The following GABPB1 variants were observed in gnomAD, a reference collection of about 807,000 sequenced individuals.
The protein encoded by GABPB1 is GA-binding protein subunit beta-1.
GABPB1 carries 15 observed loss-of-function variants against 45.9 expected under a neutral mutation model. The observed-to-expected ratio is 0.33, with a 90% CI of 0.22 to 0.50. The LOEUF (loss-of-function observed/expected upper bound fraction) is 0.50. GABPB1 is among the 20% of genes least tolerant of loss of function. GABPB1 has a pLI of 0.98. For synonymous variants in GABPB1, 143 were observed against 154.4 expected, an observed-to-expected ratio of 0.93 and a Z score of 0.55; for missense variants, 252 against 457.5, an observed-to-expected ratio of 0.55 and a Z score of 4.10.
chr15:50,345,947 G>A (rs561828760), intron 1 of GABPB1, among the ~76,000 whole-genome samples: 2 of 152,162 alleles, frequency 1.3e-5, no homozygotes, highest in South Asian at 2.1e-4. Context: ...TCCTGACCTC[G>A]TGATCCACCC....
At chr15:50,289,767 CTTTTCTT>C in intron 6 of GABPB1, 99 bp from the exon 7 acceptor site, 8 of 701,842 alleles carry the variant, frequency 1.1e-5, no homozygotes, top group East Asian at 2.6e-5. Flanking sequence ...ATGCTTCTTT[CTTTTCTT>C]TTTTCTTTTT....
intron 1 of GABPB1, among the ~76,000 whole-genome samples, chr15:50,327,853 C>T (rs1011319588): frequency 4.0e-5 from 6 of 151,702 alleles, no homozygotes; most frequent in African/African-American, 1.2e-4. Flanking sequence ...GAGCCGAGAT[C>T]GTGGCATTAT....
intron 6 of GABPB1, among the ~76,000 whole-genome samples, chr15:50,295,867 G>A (rs879364111): frequency 1.0e-4 from 9 of 86,444 alleles, no homozygotes; most frequent in Non-Finnish European, 3.2e-4. Flanking sequence ...CTGACAACCT[G>A]CTGTTATATT....
intron 1 of GABPB1, among the ~76,000 whole-genome samples, chr15:50,313,572 A>G (rs140145576): frequency 3.3e-5 from 5 of 152,250 alleles, no homozygotes; most frequent in Admixed American, 2.0e-4. Flanking sequence ...TATATTATAT[A>G]TAACTCTTCT....
At chr15:50,354,054 A>G (rs1427240354) in intron 1 of GABPB1, 1 of 125,912 alleles carries the variant, frequency 7.9e-6, no homozygotes, top group Non-Finnish European at 2.1e-5. Context: ...AAGTGGGAAG[A>G]CACACACAAA....
At chr15:50,294,804 C>T (rs1485468808) in intron 6 of GABPB1, among the ~76,000 whole-genome samples, 2 of 151,508 alleles carry the variant, frequency 1.3e-5, no homozygotes, top group Non-Finnish European at 2.9e-5. Context: ...TTTTTTTAAC[C>T]CCTGTTTTGA....
chr15:50,294,404 C>T (rs2046445236), intron 6 of GABPB1, among the ~76,000 whole-genome samples: 2 of 152,102 alleles, frequency 1.3e-5, no homozygotes, highest in Non-Finnish European at 2.9e-5. Context: ...GTCCCAGCTA[C>T]TCAGGAGGCT....
At chr15:50,309,024 GT>G (rs1277886565) in intron 2 of GABPB1, among the ~76,000 whole-genome samples, 1 of 152,008 alleles carries the variant, frequency 6.6e-6, no homozygotes, top group Non-Finnish European at 1.5e-5. Context: ...AAAAAATTTT[GT>G]TTTTTCATGA....
chr15:50,322,721 C>A (rs921029675), intron 1 of GABPB1, among the ~76,000 whole-genome samples: 2 of 152,060 alleles, frequency 1.3e-5, no homozygotes, highest in African/African-American at 4.8e-5. Flanking sequence ...ATACTGATTA[C>A]CTGTTGAAAC....
chr15:50,287,199 A>C (rs1458900070), intron 7 of GABPB1, among the ~76,000 whole-genome samples: 2 of 152,176 alleles, frequency 1.3e-5, no homozygotes, highest in Non-Finnish European at 2.9e-5. Flanking sequence ...TTTTTAATTC[A>C]GGAAGGCTTT....
chr15:50,345,232 T>C (rs1214042664), intron 1 of GABPB1, among the ~76,000 whole-genome samples: 1 of 152,154 alleles, frequency 6.6e-6, no homozygotes, highest in East Asian at 1.9e-4. Flanking sequence ...GTAACACATA[T>C]ATACTAGCTG....
intron 1 of GABPB1, among the ~76,000 whole-genome samples, chr15:50,342,711 T>C (rs2048420450): frequency 6.6e-6 from 1 of 152,224 alleles, no homozygotes; most frequent in Admixed American, 6.5e-5. Flanking sequence ...TCAAATGTAG[T>C]TATCACACAT....
chr15:50,345,805 G>A (rs948241674), intron 1 of GABPB1, among the ~76,000 whole-genome samples: 4 of 151,702 alleles, frequency 2.6e-5, no homozygotes, highest in Non-Finnish European at 5.9e-5. Flanking sequence ...TCCGCCTCCC[G>A]GGTACACGCC....
rs2048163681 is a variant in GABPB1 at position 50,337,079 on chromosome 15, A to ATG, written c.-1+17905_-1+17906insCA. On this transcript the variant is annotated intron_variant, in intron 1 of 8. Coordinates refer to ENST00000380877, the MANE Select transcript of GABPB1 (RefSeq NM_016654.5). ...AAATTACATGTATATGTGTGTGTAT[A>ATG]TATATATATATATATATATATATAT... Among the ~76,000 whole-genome samples, 3 of 1,894 alleles carry ATG rather than the reference A, an allele frequency of 1.6e-3. No homozygotes were observed. The Admixed American group carries it at 0.018, about 11-fold the overall frequency. The allele number at this position is 1,894 out of a possible 152,430, so 1.2% of individuals were successfully genotyped here.
intron 6 of GABPB1, among the ~76,000 whole-genome samples, chr15:50,294,567 T>C (rs1346083600): frequency 6.6e-6 from 1 of 151,806 alleles, no homozygotes; most frequent in South Asian, 2.1e-4. Context: ...GAAGAAAAAA[T>C]AAACTTTTCG....
At chr15:50,308,162 T>C (rs1890542086) in intron 2 of GABPB1, among the ~76,000 whole-genome samples, 2 of 152,236 alleles carry the variant, frequency 1.3e-5, no homozygotes, top group Non-Finnish European at 2.9e-5. Context: ...TGTTTAGTTA[T>C]TTCTGACTGC....
In GABPB1 at chr15:50,309,863, C is replaced by G. The variant is rs948009472; in HGVS notation, c.1-65G>C. The G allele has an allele frequency of 1.1e-5, 10 of 927,422 alleles. No individual in the cohort carries two copies. In the African/African-American group the frequency reaches 1.5e-4, roughly 14 times the overall value. The allele number at this position is 927,422 out of a possible 1,614,324, so 57.4% of individuals were successfully genotyped here. A position where few individuals can be genotyped will look rare whatever the true frequency, so the allele number is the denominator to read the frequency against. ...TTTATACACTATGACATGACATTTT[C>G]CCTTCCTGTCTTTATTAATAAGTCA... On this transcript the variant is annotated intron_variant, in intron 1 of 8. Transcript: ENST00000380877.
At chr15:50,293,497 A>C (rs1217677837) in intron 6 of GABPB1, among the ~76,000 whole-genome samples, 1 of 152,228 alleles carries the variant, frequency 6.6e-6, no homozygotes, top group Non-Finnish European at 1.5e-5. Flanking sequence ...AGAAAATTTC[A>C]GGAAGATAAT....
chr15:50,354,478 CCT>C, intron 1 of GABPB1: 2 of 448,370 alleles, frequency 4.5e-6, no homozygotes, highest in Non-Finnish European at 8.9e-6. Context: ...CGCCCGTTCC[CCT>C]CTCCGGAGAG....
Sources: gnomAD v4.1 joint callset for allele counts (sites outside exome capture counted in the v4.1 genomes callset) on GRCh38, gnomAD v4.1.1 for gene constraint, MANE v1.5 for transcripts, NCBI Gene and HGNC (gene_info 2026-07-23, HGNC 2026-07-21) for gene names.